ROBO1: variants seen among roughly 807,000 people sequenced by gnomAD.
ROBO1 encodes roundabout homolog 1.
ROBO1 carries 149 observed loss-of-function variants against 195.9 expected under a neutral mutation model. That is an observed-to-expected ratio of 0.76 (90% CI 0.67 to 0.87). ROBO1 has a LOEUF of 0.87. Among genes scored for constraint, ROBO1 ranks in the 40% least tolerant of loss-of-function variants. The probability of loss-of-function intolerance (pLI) is 0.00; values close to 1 mark genes in which losing one functional copy is unlikely to be tolerated. For synonymous variants in ROBO1, 816 were observed against 733.2 expected, an observed-to-expected ratio of 1.11 and a Z score of -1.82; for missense variants, 1,933 against 2,068.3, an observed-to-expected ratio of 0.93 and a Z score of 1.27.
At chr3:78,666,085 G>C (rs1374294976) in intron 14 of ROBO1, among the ~76,000 whole-genome samples, 1 of 151,970 alleles carries the variant, frequency 6.6e-6, no homozygotes, top group African/African-American at 2.4e-5. Context: ...GTTTTATAAG[G>C]GGCTTTGCTC....
chr3:78,757,073 G>A (rs1000722189), intron 4 of ROBO1, among the ~76,000 whole-genome samples: 4 of 152,024 alleles, frequency 2.6e-5, no homozygotes, highest in African/African-American at 9.7e-5. Context: ...TGTACTTTTA[G>A]TAGAGACAGG....
At chr3:79,618,648 C>T (rs1246053787) in intron 1 of ROBO1, among the ~76,000 whole-genome samples, 2 of 152,124 alleles carry the variant, frequency 1.3e-5, no homozygotes, top group Non-Finnish European at 2.9e-5. Flanking sequence ...GACTAGTCTG[C>T]CTGCACCCAA....
chr3:79,630,228 T>G (rs1353636088), intron 1 of ROBO1, among the ~76,000 whole-genome samples: 2 of 152,060 alleles, frequency 1.3e-5, no homozygotes, highest in Non-Finnish European at 1.5e-5. Flanking sequence ...TGAAAATAGA[T>G]GCAAACATGC....
intron 2 of ROBO1, among the ~76,000 whole-genome samples, chr3:79,325,189 C>T (rs191846625): frequency 1.1e-3 from 168 of 152,246 alleles, no homozygotes; most frequent in Non-Finnish European, 2.1e-3. Flanking sequence ...CTTGAATGTG[C>T]AAATTTGGGC....
chr3:78,867,258 A>T (rs1323585200), intron 4 of ROBO1, among the ~76,000 whole-genome samples: 1 of 152,176 alleles, frequency 6.6e-6, no homozygotes, highest in Admixed American at 6.6e-5. Flanking sequence ...AAACTGGAAA[A>T]CTGCCTCCTT....
chr3:79,536,119 G>A (rs1941851514), intron 2 of ROBO1, among the ~76,000 whole-genome samples: 1 of 151,986 alleles, frequency 6.6e-6, no homozygotes, highest in African/African-American at 2.4e-5. Flanking sequence ...AGCAAAATAG[G>A]TGAGAATTTA....
At chr3:79,704,651 G>C (rs1289656114) in intron 1 of ROBO1, among the ~76,000 whole-genome samples, 3 of 152,026 alleles carry the variant, frequency 2.0e-5, no homozygotes, top group Non-Finnish European at 4.4e-5. Context: ...AAATATTCAT[G>C]TGCAGAATTT....
At chr3:79,022,971 A>G (rs1430368703) in intron 3 of ROBO1, among the ~76,000 whole-genome samples, 2 of 152,330 alleles carry the variant, frequency 1.3e-5, no homozygotes, top group South Asian at 2.1e-4. Flanking sequence ...TCTGGAAATA[A>G]CAGAACACTC....
At chr3:79,003,567 A>G (rs1473975322) in intron 3 of ROBO1, among the ~76,000 whole-genome samples, 1 of 152,102 alleles carries the variant, frequency 6.6e-6, no homozygotes, top group East Asian at 1.9e-4. Context: ...GTAGATACTC[A>G]TATTATCTCA....
At chr3:78,630,364 TA>T in intron 25 of ROBO1, among the ~76,000 whole-genome samples, 1 of 152,328 alleles carries the variant, frequency 6.6e-6, no homozygotes, top group Admixed American at 6.5e-5. Flanking sequence ...GAATTTTACT[TA>T]AAAATGCATT....
rs184622168 is a variant in ROBO1 at position 79,713,933 on chromosome 3, G to A, written c.-51+53819C>T. 4.7e-3 allele frequency among the ~76,000 whole-genome samples: 716 copies of A among 151,784 alleles called. 8 individuals carry two copies. The highest frequency in any genetic ancestry group is 0.017 in the African/African-American group (687 of 41,482). ...ATGTGGCATTATTTCTGAGGGCTCT[G>A]TTCTGTTCCATTGGTCTATATCTCT... On this transcript the variant is annotated intron_variant, in intron 1 of 30. Coordinates refer to ENST00000464233, the MANE Select transcript of ROBO1 (RefSeq NM_002941.4).
intron 4 of ROBO1, among the ~76,000 whole-genome samples, chr3:78,768,496 C>T (rs2083284668): frequency 1.3e-5 from 2 of 151,844 alleles, no homozygotes; most frequent in South Asian, 4.1e-4. Flanking sequence ...TGACAATTTT[C>T]CCTCCTATAA....
Position 79,589,840 on chromosome 3 carries a change from C to T in ROBO1, c.72G>A (p.Leu24=). 6.2e-7 allele frequency: 1 copy of T among 1,610,532 alleles called. No homozygotes were observed. Among genetic ancestry groups the T allele is most frequent in the East Asian group, 2.2e-5 (1 of 44,754 alleles). ...AGCACTTACCTGGAATAAGCTGGGC[C>T]AGAAACAGGTGATTTGGGGATAAGC... is the stretch of plus-strand genomic sequence containing the variant. The part of the protein sequence containing the change: ...LLSLSPNHLF[L]AQLIPDPEDV... The change falls in exon 2 of 31, where the codon CTG becomes CTA. Residue 24 remains leucine, a synonymous_variant. Transcript: ENST00000464233.
intron 3 of ROBO1, among the ~76,000 whole-genome samples, chr3:78,945,153 A>G (rs1005115388): frequency 4.6e-5 from 7 of 152,200 alleles, no homozygotes; most frequent in Non-Finnish European, 7.3e-5. Context: ...TCCCTCTCTG[A>G]CAGCTTTGAA....
At chr3:79,660,154 C>A (rs6771093) in intron 1 of ROBO1, among the ~76,000 whole-genome samples, 94,246 of 151,492 alleles carry the variant, frequency 0.62, 29,836 homozygotes, top group African/African-American at 0.73. Context: ...ATATTGCATC[C>A]GACTAGGGAA....
chr3:79,597,252 T>C (rs1944204123), intron 1 of ROBO1, among the ~76,000 whole-genome samples: 1 of 151,970 alleles, frequency 6.6e-6, no homozygotes, highest in African/African-American at 2.4e-5. Flanking sequence ...TGCTTCTGTT[T>C]AGTTGGAAGT....
chr3:79,709,267 T>C (rs1210481020), intron 1 of ROBO1, among the ~76,000 whole-genome samples: 1 of 152,144 alleles, frequency 6.6e-6, no homozygotes, highest in African/African-American at 2.4e-5. Context: ...TGACCTAGCC[T>C]ATTATATTAC....
chr3:78,752,824 T>A (rs972645476), intron 4 of ROBO1, among the ~76,000 whole-genome samples: 6 of 152,160 alleles, frequency 3.9e-5, no homozygotes, highest in Non-Finnish European at 7.4e-5. Flanking sequence ...AGGTACTCAT[T>A]TAATTTTTAA....
rs2081927693 is a variant in ROBO1 at position 78,717,364 on chromosome 3, A to G, written c.828T>C (p.Asp276=). 2.5e-6 allele frequency: 4 copies of G among 1,613,588 alleles called. No individual in the cohort carries two copies. The highest frequency in any genetic ancestry group is 2.5e-6 in the Non-Finnish European group (3 of 1,179,566). ...CCTCACATTTAAATTCTGCACTGTC[A>G]TCCACAGTTACTGCCAAGTTACTGG... ...KRPSNLAVTV[D]DSAEFKCEAR... Residue 276 remains aspartate, a synonymous_variant, in exon 7 of 31, where the codon GAT becomes GAC. Transcript: ENST00000464233.
Sources: allele counts gnomAD v4.1 joint callset (sites outside exome capture counted in the v4.1 genomes callset), GRCh38; gene constraint gnomAD v4.1.1; transcripts MANE v1.5; gene names NCBI Gene and HGNC (gene_info 2026-07-23, HGNC 2026-07-21).